ARHGAP22: variants seen among roughly 807,000 people sequenced by gnomAD.
The protein encoded by ARHGAP22 is Rho GTPase activating protein 22.
A neutral mutation model predicts 59.1 loss-of-function variants in ARHGAP22; 48 were observed. The ratio of observed to expected loss-of-function variants is 0.81; its 90% CI spans 0.64 to 1.03. ARHGAP22 has a LOEUF of 1.03. Ranked by LOEUF, ARHGAP22 falls within the 50% of genes least tolerant of loss-of-function variation. ARHGAP22 has a pLI of 0.00. For synonymous variants in ARHGAP22, 445 were observed against 416.4 expected, an observed-to-expected ratio of 1.07 and a Z score of -0.84; for missense variants, 1,015 against 958.7, an observed-to-expected ratio of 1.06 and a Z score of -0.78.
chr10:48,606,859 G>T (rs2060698595), upstream of ARHGAP22, among the ~76,000 whole-genome samples: 1 of 152,082 alleles, frequency 6.6e-6, no homozygotes, highest in African/African-American at 2.4e-5. Flanking sequence ...TGCCCCTCTT[G>T]TACGCCCTCC....
Position 48,596,187 on chromosome 10 carries a change from T to C in ARHGAP22, c.34+8576A>G, listed in dbSNP as rs190028750. On this transcript the variant is annotated intron_variant, in intron 1 of 9. Coordinates refer to ENST00000249601, the MANE Select transcript of ARHGAP22 (RefSeq NM_021226.4). ...GGAAGCCGGGAGACACCCGAAGTGT[T>C]TGCTCTTTACTTCCATGCAGGATGC... Among the ~76,000 whole-genome samples, 906 of 152,332 alleles carry C rather than the reference T, an allele frequency of 5.9e-3. 8 individuals carry two copies. The highest frequency in any genetic ancestry group is 9.7e-3 in the Non-Finnish European group (659 of 68,022).
At chr10:48,497,737 C>T (rs1027551419) in intron 3 of ARHGAP22, among the ~76,000 whole-genome samples, 7 of 152,288 alleles carry the variant, frequency 4.6e-5, no homozygotes, top group Middle Eastern at 3.4e-3. Flanking sequence ...GCCACAATAC[C>T]TCAGTCCCAG....
chr10:48,458,077 C>G (rs1009243182), intron 5 of ARHGAP22, among the ~76,000 whole-genome samples: 2 of 152,052 alleles, frequency 1.3e-5, no homozygotes, highest in Non-Finnish European at 2.9e-5. Flanking sequence ...GCCTCAGATA[C>G]CCCAGGAGGA....
At chr10:48,466,050 G>A (rs2047633544) in intron 4 of ARHGAP22, among the ~76,000 whole-genome samples, 1 of 152,050 alleles carries the variant, frequency 6.6e-6, no homozygotes, top group Non-Finnish European at 1.5e-5. Flanking sequence ...CTCCCCACCC[G>A]TCCAGGCCTG....
chr10:48,608,985 TC>T (rs1482030637), upstream of ARHGAP22, among the ~76,000 whole-genome samples: 1 of 152,224 alleles, frequency 6.6e-6, no homozygotes, highest in Non-Finnish European at 1.5e-5. Context: ...CTGCCATGCA[TC>T]TCTTCTCAAC....
At chr10:48,434,328 GTTAAAC>G in the ARHGAP22 span, among the ~76,000 whole-genome samples, 2 of 152,152 alleles carry the variant, frequency 1.3e-5, no homozygotes, top group Admixed American at 6.5e-5. Flanking sequence ...GTTTCTTCCT[GTTAAAC>G]TTAATTTTAT....
intron 2 of ARHGAP22, 120 bp from the exon 3 acceptor site, chr10:48,555,670 G>A: frequency 1.1e-6 from 1 of 907,482 alleles, no homozygotes; most frequent in Non-Finnish European, 1.8e-6. Flanking sequence ...TGGCTGGGAA[G>A]GCTGGGCCTC....
upstream of ARHGAP22, among the ~76,000 whole-genome samples, chr10:48,607,206 T>G (rs2060711317): frequency 6.6e-6 from 1 of 152,154 alleles, no homozygotes; most frequent in Non-Finnish European, 1.5e-5. Context: ...CACGCTTGTT[T>G]TGGTTAAGAA....
At chr10:48,626,408 A>G (rs1411264163) in intron 1 of ARHGAP22, among the ~76,000 whole-genome samples, 1 of 152,110 alleles carries the variant, frequency 6.6e-6, no homozygotes, top group Non-Finnish European at 1.5e-5. Context: ...CTTGTGAAAA[A>G]CAGATGGAGC....
chr10:48,641,753 G>A (rs183924424), intron 1 of ARHGAP22, among the ~76,000 whole-genome samples: 449 of 152,300 alleles, frequency 2.9e-3, no homozygotes, highest in South Asian at 0.01. Context: ...AGGGCAATCA[G>A]GCAGGAGAAA....
At chr10:48,595,763 T>G (rs2060029950) in intron 1 of ARHGAP22, among the ~76,000 whole-genome samples, 1 of 152,154 alleles carries the variant, frequency 6.6e-6, no homozygotes, top group Admixed American at 6.5e-5. Flanking sequence ...CAAGTAATCC[T>G]CCTGCCTCGG....
At chr10:48,653,437 T>C (rs1374245892), upstream of ARHGAP22, among the ~76,000 whole-genome samples, 1 of 152,212 alleles carries the variant, frequency 6.6e-6, no homozygotes, top group African/African-American at 2.4e-5. Context: ...GTTGGGGGAA[T>C]GTCATCTTGG....
chr10:48,444,629 C>T (rs2045282181), downstream of ARHGAP22: 1 of 152,180 alleles, frequency 6.6e-6, no homozygotes, highest in South Asian at 2.1e-4. Flanking sequence ...CCATTTCAGT[C>T]TCCTCTGCTC....
intron 1 of ARHGAP22, among the ~76,000 whole-genome samples, chr10:48,610,799 G>A (rs556118590): frequency 2.6e-5 from 4 of 152,296 alleles, no homozygotes; most frequent in Non-Finnish European, 4.4e-5. Context: ...CAGGACTTGT[G>A]CAGTCATTGG....
At chr10:48,565,066 G>C (rs988308575) in intron 2 of ARHGAP22, among the ~76,000 whole-genome samples, 1 of 152,156 alleles carries the variant, frequency 6.6e-6, no homozygotes, top group African/African-American at 2.4e-5. Flanking sequence ...CACCCAAATC[G>C]TAAAAAGATA....
Position 48,493,486 on chromosome 10 carries a change from G to A in ARHGAP22, c.323-13722C>T, listed in dbSNP as rs536584611. 251 of 1,535,946 alleles carry A rather than the reference G, an allele frequency of 1.6e-4. 2 individuals are homozygous for A. The South Asian group carries it at 2.9e-3, about 17-fold the overall frequency. On this transcript the variant is annotated intron_variant, in intron 3 of 9. Transcript: ENST00000249601. ...CTTCAGACACCTGATGGGCCAGAAG[G>A]GCATGGTGTGGAGCAGCGGGGGCTG...
chr10:48,526,231 G>T (rs750653013), intron 3 of ARHGAP22, among the ~76,000 whole-genome samples: 1 of 152,112 alleles, frequency 6.6e-6, no homozygotes, highest in Non-Finnish European at 1.5e-5. Flanking sequence ...TAAATGTGGG[G>T]GCAGGAAAGA....
intron 1 of ARHGAP22, among the ~76,000 whole-genome samples, chr10:48,647,570 C>T (rs2062360543): frequency 7.7e-6 from 1 of 129,656 alleles, no homozygotes; most frequent in Admixed American, 8.5e-5. Context: ...GATGTGGAAA[C>T]ATTGGGACCC....
rs376571565 is a variant in ARHGAP22 at position 48,611,406 on chromosome 10, C to T, written c.53-28254G>A. Among the ~76,000 whole-genome samples, 173 of 152,222 alleles carry T rather than the reference C, an allele frequency of 1.1e-3. 1 individual carries two copies. The highest frequency in any genetic ancestry group is 2.3e-3 in the Non-Finnish European group (159 of 67,988). ...CACTGAGATTCCCAAAAGCTGCCCCCCTTCCTAGAAAAGAAGGGGGGAGGT... is the reference window on the plus strand; with the variant it reads ...CACTGAGATTCCCAAAAGCTGCCCCTCTTCCTAGAAAAGAAGGGGGGAGGT... On this transcript the variant is annotated intron_variant, in intron 1 of 9. Coordinates refer to the ARHGAP22 transcript ENST00000435790.
Sources: gnomAD v4.1 joint callset for allele counts (sites outside exome capture counted in the v4.1 genomes callset) on GRCh38, gnomAD v4.1.1 for gene constraint, MANE v1.5 for transcripts, NCBI Gene and HGNC (gene_info 2026-07-23, HGNC 2026-07-21) for gene names.